Variants in TOM1 observed in about 807,000 individuals in gnomAD.
TOM1 encodes the protein target of myb1 membrane trafficking protein.
A neutral mutation model predicts 61.3 loss-of-function variants in TOM1; 38 were observed. The observed-to-expected ratio is 0.62, with a 90% CI of 0.48 to 0.81. TOM1 has a LOEUF of 0.81. Ranked by LOEUF, TOM1 falls within the 40% of genes least tolerant of loss-of-function variation. The probability of loss-of-function intolerance (pLI) is 0.00; values close to 1 mark genes in which losing one functional copy is unlikely to be tolerated. For synonymous variants in TOM1, 270 were observed against 268.8 expected, an observed-to-expected ratio of 1.00 and a Z score of -0.04; for missense variants, 591 against 659.6, an observed-to-expected ratio of 0.90 and a Z score of 1.14.
chr22:35,332,853 C>T (rs552561602), intron 8 of TOM1, 128 bp from the exon 9 acceptor site: 9 of 913,426 alleles, frequency 9.9e-6, no homozygotes, highest in Non-Finnish European at 1.5e-5. Flanking sequence ...GCACACCAGA[C>T]GTGTCATCAC....
At position 35,323,636 on chromosome 22, in the gene TOM1, A is replaced by G; in HGVS notation, c.501+6A>G. ...CCATCCACACACCCCAGAGGGTGAGAGAACTGCCGTACCGGGAACCAAGGG... is the reference window on the plus strand; with the variant it reads ...CCATCCACACACCCCAGAGGGTGAGGGAACTGCCGTACCGGGAACCAAGGG... On this transcript the variant is annotated splice_donor_region_variant and intron_variant, in intron 5 of 14. Transcript: ENST00000449058. The surrounding 1 kb of genome is among the most constrained non-coding windows in gnomAD (Gnocchi z 4.2). The G allele has an allele frequency of 6.2e-7, 1 of 1,614,180 alleles. No individual in the cohort carries two copies. The highest frequency in any genetic ancestry group is 8.5e-7 in the Non-Finnish European group (1 of 1,180,030).
At position 35,323,733 on chromosome 22, in the gene TOM1, A is replaced by G. The variant is rs1253443255; in HGVS notation, c.502-35A>G. 2 of 1,602,014 alleles carry G rather than the reference A, an allele frequency of 1.2e-6. No individual in the cohort carries two copies. Among genetic ancestry groups the G allele is most frequent in the East Asian group, 2.2e-5 (1 of 44,662 alleles). On this transcript the variant is annotated intron_variant, in intron 5 of 14. Coordinates refer to ENST00000449058, the MANE Select transcript of TOM1 (RefSeq NM_005488.3). The surrounding 1 kb of genome is among the most constrained non-coding windows in gnomAD (Gnocchi z 4.2). ...GACTTCCTGGGCTCTTGATGTTCCC[A>G]GGAGCCCTCACTGATCCTGTTTTCC...
At chr22:35,309,339 G>T (rs1458055387) in intron 1 of TOM1, among the ~76,000 whole-genome samples, 2 of 152,032 alleles carry the variant, frequency 1.3e-5, no homozygotes, top group African/African-American at 4.8e-5. Context: ...CCATCTCACC[G>T]ATTCCCCCTT....
At chr22:35,346,631 T>G (rs1569043627) in intron 13 of TOM1, among the ~76,000 whole-genome samples, 1 of 152,168 alleles carries the variant, frequency 6.6e-6, no homozygotes, top group South Asian at 2.1e-4. Flanking sequence ...TGGCGTGCTG[T>G]GTGTTATCCC....
chr22:35,334,425 C>G lies in TOM1; in HGVS notation c.1125C>G (p.Ser375Arg), dbSNP rs1227022082. ...ACATGTTTGCGCTGACACGGGGCAG[C>G]TCACTGGCTGACCAACGGAAAGAGT... ...EFDMFALTRG[S>R]SLADQRKEVK... The change falls in exon 11 of 15, where the codon AGC (serine) becomes AGG (arginine). Residue 375 changes from serine (S) to arginine (R), a missense_variant. By Grantham distance (110) the Ser-to-Arg change is moderately radical. Transcript: ENST00000449058. 6.2e-7 allele frequency: 1 copy of G among 1,614,102 alleles called. No individual in the cohort carries two copies. Among genetic ancestry groups the G allele is most frequent in the South Asian group, 1.1e-5 (1 of 91,076 alleles).
intron 12 of TOM1, among the ~76,000 whole-genome samples, chr22:35,342,777 C>A (rs1343044169): frequency 6.7e-6 from 1 of 149,992 alleles, no homozygotes; most frequent in Non-Finnish European, 1.5e-5. Context: ...CACATCTACA[C>A]CCACCACACA....
chr22:35,313,964 C>G (rs1262383501), intron 1 of TOM1, among the ~76,000 whole-genome samples: 4 of 152,260 alleles, frequency 2.6e-5, no homozygotes, highest in African/African-American at 9.6e-5. Context: ...CTCTTGGTAA[C>G]TGGCAACCAC....
chr22:35,334,126 G>A (rs1057335876), intron 10 of TOM1, among the ~76,000 whole-genome samples: 1 of 152,204 alleles, frequency 6.6e-6, no homozygotes, highest in Non-Finnish European at 1.5e-5. Context: ...CCCCAAGAGG[G>A]GTGAGTAAAC....
At position 35,320,987 on chromosome 22, in the gene TOM1, G is replaced by GAAAAAAAAAA. The variant is rs138783; in HGVS notation, c.138-967_138-958dup. On this transcript the variant is annotated intron_variant, in intron 2 of 14. Coordinates refer to ENST00000449058, the MANE Select transcript of TOM1 (RefSeq NM_005488.3). Reference sequence around the variant, plus strand: ...ACAGAGTGAGACTCTGTCTCAGAAGGAAAAAAAAAAAAAACTTGAATGGAA... The same window carrying GAAAAAAAAAA: ...ACAGAGTGAGACTCTGTCTCAGAAGGAAAAAAAAAAAAAAAAAAAAAAAACTTGAATGGAA... Among the ~76,000 whole-genome samples, 8 of 88,948 alleles carry GAAAAAAAAAA rather than the reference G, an allele frequency of 9.0e-5. 1 individual carries two copies. The highest frequency in any genetic ancestry group is 1.7e-4 in the Non-Finnish European group (7 of 41,702). 58.4% of individuals were successfully genotyped at this position (88,948 alleles called of 152,430 possible).
intron 11 of TOM1, among the ~76,000 whole-genome samples, chr22:35,337,126 C>T (rs943941422): frequency 2.6e-5 from 4 of 151,958 alleles, no homozygotes; most frequent in East Asian, 3.9e-4. Flanking sequence ...TTAGTAGAGA[C>T]GGGGTTTCAC....
intron 1 of TOM1, among the ~76,000 whole-genome samples, chr22:35,313,026 C>T (rs747596395): frequency 5.3e-5 from 8 of 152,036 alleles, no homozygotes; most frequent in Non-Finnish European, 1.2e-4. Context: ...CAGGCTGCTT[C>T]CCAGAAGGCT....
chr22:35,301,757 G>T (rs905788607), intron 1 of TOM1, among the ~76,000 whole-genome samples: 3 of 151,994 alleles, frequency 2.0e-5, no homozygotes, highest in Non-Finnish European at 2.9e-5. Flanking sequence ...TACACACCAG[G>T]AAGCTCCTGA....
intron 6 of TOM1, among the ~76,000 whole-genome samples, chr22:35,326,850 G>A (rs575544343): frequency 6.2e-4 from 94 of 151,952 alleles, no homozygotes; most frequent in Admixed American, 1.7e-3. Flanking sequence ...GAGAGAGGGC[G>A]GAATCCCAGT....
At chr22:35,340,088 C>T (rs960228462) in intron 12 of TOM1, among the ~76,000 whole-genome samples, 2 of 152,210 alleles carry the variant, frequency 1.3e-5, no homozygotes, top group Non-Finnish European at 2.9e-5. Context: ...TGCATGTCAA[C>T]GTGTATCTGG....
intron 12 of TOM1, among the ~76,000 whole-genome samples, chr22:35,340,181 C>T (rs933179105): frequency 3.3e-5 from 5 of 152,304 alleles, no homozygotes; most frequent in Non-Finnish European, 7.3e-5. Flanking sequence ...TAGAAACAGC[C>T]GGACCTGGGA....
At chr22:35,327,172 G>GT in intron 6 of TOM1, 99 bp from the exon 7 acceptor site, 1 of 1,182,692 alleles carries the variant, frequency 8.5e-7, no homozygotes, top group Non-Finnish European at 1.3e-6. Flanking sequence ...CGGCTCCCTG[G>GT]TGCTGCACCC....
chr22:35,327,585 C>T (rs969230330), intron 7 of TOM1, among the ~76,000 whole-genome samples, 198 bp downstream of exon 7: 6 of 152,218 alleles, frequency 3.9e-5, no homozygotes, highest in African/African-American at 1.2e-4. Flanking sequence ...CTGGTTTGAA[C>T]AAAGTAGCCC....
At chr22:35,311,804 C>T (rs991435922) in intron 1 of TOM1, among the ~76,000 whole-genome samples, 1 of 152,234 alleles carries the variant, frequency 6.6e-6, no homozygotes, top group Admixed American at 6.5e-5. Flanking sequence ...AATGGAGGTC[C>T]TCCGAGCATC....
chr22:35,343,821 TAC>T (rs1930248247), intron 12 of TOM1, among the ~76,000 whole-genome samples: 1 of 128,412 alleles, frequency 7.8e-6, no homozygotes, highest in Non-Finnish European at 1.6e-5. Context: ...CACCTACACA[TAC>T]ACACCTACAT....
Sources: allele counts gnomAD v4.1 joint callset (sites outside exome capture counted in the v4.1 genomes callset), GRCh38; gene constraint gnomAD v4.1.1; non-coding constraint Gnocchi (gnomAD v3.1); transcripts MANE v1.5; gene names NCBI Gene and HGNC (gene_info 2026-07-23, HGNC 2026-07-21).